Variants in WDR91 observed in about 807,000 individuals in gnomAD.
The protein encoded by WDR91 is WD repeat-containing protein 91.
WDR91 carries 52 observed loss-of-function variants against 88.4 expected under a neutral mutation model. The observed-to-expected ratio is 0.59, with a 90% CI of 0.47 to 0.74. WDR91 has a LOEUF of 0.74. Among genes scored for constraint, WDR91 ranks in the 30% least tolerant of loss-of-function variants. WDR91 has a pLI of 0.00. For missense variants in WDR91, 824 were observed against 954.5 expected (o/e 0.86, Z 1.80); for synonymous variants, 362 against 389.5 (o/e 0.93, Z 0.83).
chr7:135,200,953 C>G (rs933578314), intron 6 of WDR91, among the ~76,000 whole-genome samples: 2 of 152,174 alleles, frequency 1.3e-5, no homozygotes, highest in Non-Finnish European at 2.9e-5. Flanking sequence ...AGAAAACACG[C>G]CCTCATAACA....
chr7:135,189,145 T>C (rs758081386), intron 12 of WDR91, among the ~76,000 whole-genome samples, 199 bp downstream of exon 12: 3 of 152,222 alleles, frequency 2.0e-5, no homozygotes, highest in Non-Finnish European at 2.9e-5. Flanking sequence ...CTCCCATGTC[T>C]ATTGACACTA....
At chr7:135,186,374 TC>T in intron 14 of WDR91, 59 bp from the exon 15 acceptor site, 1 of 1,561,800 alleles carries the variant, frequency 6.4e-7, no homozygotes, top group Non-Finnish European at 8.7e-7. Flanking sequence ...ACACACTTGA[TC>T]CACTTTCAGT....
chr7:135,208,888 G>A lies in WDR91; in HGVS notation c.414C>T (p.Asp138=). 6.2e-7 allele frequency: 1 copy of A among 1,614,194 alleles called. No homozygotes were observed. Among genetic ancestry groups the A allele is most frequent in the Non-Finnish European group, 8.5e-7 (1 of 1,180,028 alleles). The change falls in exon 3 of 15, where the codon GAC becomes GAT. Residue 138 remains aspartate (D), a synonymous_variant. Coordinates refer to ENST00000354475, the MANE Select transcript of WDR91 (RefSeq NM_014149.4). ...WFVLPFLPSP[D]TNPTFATYFS... Reference sequence around the variant, plus strand: ...AGTAGGTAGCAAAGGTGGGGTTGGTGTCCGGGGATGGCAGGAAGGGCAGGA... The same window carrying A: ...AGTAGGTAGCAAAGGTGGGGTTGGTATCCGGGGATGGCAGGAAGGGCAGGA...
chr7:135,209,847 T>G, intron 1 of WDR91, 92 bp from the exon 2 acceptor site: 1 of 1,211,286 alleles, frequency 8.3e-7, no homozygotes, highest in Non-Finnish European at 1.1e-6. Context: ...TCATGGCTTC[T>G]GGGTGTAAAA....
chr7:135,205,230 G>C (rs139245801), intron 5 of WDR91, among the ~76,000 whole-genome samples: 32 of 152,318 alleles, frequency 2.1e-4, no homozygotes, highest in African/African-American at 7.2e-4. Flanking sequence ...CTTCTACTGA[G>C]GAATGCATCC....
Position 135,208,811 on chromosome 7 carries a change from C to A in WDR91, c.491G>T (p.Ser164Ile). 3 of 1,610,640 alleles carry A rather than the reference C, an allele frequency of 1.9e-6. No individual in the cohort carries two copies. The highest frequency in any genetic ancestry group is 2.5e-6 in the Non-Finnish European group (3 of 1,177,800). The change falls in exon 3 of 15, where the codon AGC (serine) becomes ATC (isoleucine). Residue 164 changes from serine (S) to isoleucine (I), a missense_variant. By Grantham distance (142) the Ser-to-Ile change is moderately radical (BLOSUM62 -2). Coordinates refer to ENST00000354475, the MANE Select transcript of WDR91 (RefSeq NM_014149.4). Reference protein sequence around the residue: ...TFIVSLHNFLSVLFQCMPVPV... With the variant: ...TFIVSLHNFLIVLFQCMPVPV... ...GATATGCATGCACTGAAACAGGACG[C>A]TCAGGAAGTTGTGCAGGGACACAAT... is the stretch of plus-strand genomic sequence containing the variant.
At position 135,193,277 on chromosome 7, in the gene WDR91, A is replaced by C. The variant is rs1392671867; in HGVS notation, c.1613T>G (p.Val538Gly). The C allele has an allele frequency of 6.2e-7, 1 of 1,614,190 alleles. No homozygotes were observed. Among genetic ancestry groups the C allele is most frequent in the Non-Finnish European group, 8.5e-7 (1 of 1,180,042 alleles). ...GTCCCACAGCAGCAGCCTGCCAGGAACCTGGTTCATGCCCTTGCTGCCGAT... is the reference window on the plus strand; with the variant it reads ...GTCCCACAGCAGCAGCCTGCCAGGACCCTGGTTCATGCCCTTGCTGCCGAT... ...PDIGSKGMNQ[V>G]PGRLLLWDTK... The change falls in exon 11 of 15, where the codon GTT becomes GGT. Residue 538 changes from valine to glycine, a missense_variant. Transcript: ENST00000354475.
intron 2 of WDR91, 64 bp from the exon 3 acceptor site, chr7:135,209,062 C>T: frequency 2.1e-6 from 3 of 1,419,924 alleles, no homozygotes; most frequent in Non-Finnish European, 2.9e-6. Context: ...TAAGACTCTT[C>T]ATCATTGCAC....
Position 135,198,421 on chromosome 7 carries a change from C to T in WDR91, c.892-270G>A, listed in dbSNP as rs771520080. ...GAGGAAGATGTCATCTTGATCTAAT[C>T]GGAACAATTTAGTCTAGTTGAGGGG... On this transcript the variant is annotated intron_variant, in intron 6 of 14. Transcript: ENST00000354475. 28 of 419,648 alleles carry T rather than the reference C, an allele frequency of 6.7e-5. No individual in the cohort carries two copies. The South Asian group carries it at 7.5e-4, about 11-fold the overall frequency. The allele number at this position is 419,648 out of a possible 1,614,324, so 26.0% of individuals were successfully genotyped here. A position where few individuals can be genotyped will look rare whatever the true frequency, so the allele number is the denominator to read the frequency against.
intron 1 of WDR91, 59 bp from the exon 2 acceptor site, chr7:135,209,814 T>C (rs1216858075): frequency 8.5e-6 from 12 of 1,412,430 alleles, no homozygotes; most frequent in East Asian, 5.1e-5. Context: ...CTCCCCTCCA[T>C]GGAATAAAGC....
intron 6 of WDR91, chr7:135,202,209 C>G (rs1831599598): frequency 6.6e-6 from 1 of 152,256 alleles, no homozygotes; most frequent in African/African-American, 2.4e-5. Flanking sequence ...AATCCAGACA[C>G]TGTACTCCTA....
At chr7:135,192,077 C>T (rs1359145594) in intron 11 of WDR91, among the ~76,000 whole-genome samples, 2 of 149,072 alleles carry the variant, frequency 1.3e-5, no homozygotes, top group African/African-American at 2.5e-5. Flanking sequence ...GGGAAAAAGA[C>T]AGGTCTGGGA....
chr7:135,206,457 T>C (rs1831787925), intron 4 of WDR91, among the ~76,000 whole-genome samples: 1 of 152,036 alleles, frequency 6.6e-6, no homozygotes. Flanking sequence ...TTTTAACCTT[T>C]TGCCTGAAGA....
At chr7:135,191,965 G>C (rs377012303) in intron 11 of WDR91, among the ~76,000 whole-genome samples, 2 of 152,180 alleles carry the variant, frequency 1.3e-5, no homozygotes, top group South Asian at 2.1e-4. Flanking sequence ...GCAGGGAGGG[G>C]CACGAGAGAT....
In WDR91 at chr7:135,207,184, T is replaced by G; in HGVS notation, c.530A>C (p.Asn177Thr). ...AGTCCTCTGACACTCCGCATCAAAGTTCAGGATCACAGGGACTGGTGCACG... is the reference window on the plus strand; with the variant it reads ...AGTCCTCTGACACTCCGCATCAAAGGTCAGGATCACAGGGACTGGTGCACG... ...FQCMPVPVIL[N>T]FDAECQRTNQ... Residue 177 changes from asparagine (N) to threonine (T), a missense_variant, in exon 4 of 15, where the codon AAC becomes ACC. Transcript: ENST00000354475. The G allele has an allele frequency of 6.2e-7, 1 of 1,606,376 alleles. No homozygotes were observed. The highest frequency in any genetic ancestry group is 8.5e-7 in the Non-Finnish European group (1 of 1,174,614).
Position 135,188,547 on chromosome 7 carries a change from T to C in WDR91, c.1769-2A>G. On this transcript the variant is annotated splice_acceptor_variant, in intron 12 of 14. Coordinates refer to ENST00000354475, the MANE Select transcript of WDR91 (RefSeq NM_014149.4). LOFTEE classifies it high-confidence loss of function. ...TCGCGCACTCATGCTGCTGCATGTC[T>C]GAGGCAATGAGACACGGCCACTCAC... 1.2e-6 allele frequency: 2 copies of C among 1,612,200 alleles called. No individual in the cohort carries two copies. The highest frequency in any genetic ancestry group is 8.5e-7 in the Non-Finnish European group (1 of 1,179,302).
chr7:135,205,074 G>C (rs1460276453), intron 5 of WDR91, among the ~76,000 whole-genome samples: 2 of 152,134 alleles, frequency 1.3e-5, no homozygotes, highest in African/African-American at 4.8e-5. Flanking sequence ...ACCAATCACT[G>C]TCTTCCTCAC....
intron 4 of WDR91, 23 bp from the exon 5 acceptor site, chr7:135,206,081 T>A: frequency 6.2e-7 from 1 of 1,614,040 alleles, no homozygotes. Context: ...GGGACTGAGT[T>A]AGCCAATGAT....
intron 6 of WDR91, among the ~76,000 whole-genome samples, chr7:135,203,508 C>G (rs1831647377): frequency 6.6e-6 from 1 of 152,106 alleles, no homozygotes; most frequent in Non-Finnish European, 1.5e-5. Context: ...TGGATATAAG[C>G]TGACATCAAA....
Sources: allele counts gnomAD v4.1 joint callset (sites outside exome capture counted in the v4.1 genomes callset), GRCh38; gene constraint gnomAD v4.1.1; transcripts MANE v1.5; gene names NCBI Gene and HGNC (gene_info 2026-07-23, HGNC 2026-07-21).